Variants in MICAL2 observed in about 807,000 individuals in gnomAD.
MICAL2 encodes the protein [F-actin]-monooxygenase MICAL2.
MICAL2 carries 77 observed loss-of-function variants against 127.3 expected under a neutral mutation model. The ratio of observed to expected loss-of-function variants is 0.60; its 90% confidence interval spans 0.50 to 0.73. The LOEUF is 0.73. Among genes scored for constraint, MICAL2 ranks in the 30% least tolerant of loss-of-function variants. The pLI, the probability that MICAL2 is intolerant of heterozygous loss-of-function variation, is 0.00. For missense variants in MICAL2, 1,351 were observed against 1,434.4 expected (o/e 0.94, Z 0.94); for synonymous variants, 570 against 551.1 (o/e 1.03, Z -0.48).
At chr11:12,212,202 G>C (rs533083305) in intron 6 of MICAL2, among the ~76,000 whole-genome samples, 135 of 152,284 alleles carry the variant, frequency 8.9e-4, no homozygotes, top group African/African-American at 3.0e-3. Context: ...ACCAGCTGCT[G>C]TGATCCTCCA....
chr11:12,303,985 G>A (rs957134445), intron 29 of MICAL2, among the ~76,000 whole-genome samples: 3 of 152,032 alleles, frequency 2.0e-5, no homozygotes, highest in Admixed American at 2.0e-4. Flanking sequence ...AGCCACGATT[G>A]CACCACTGCA....
At chr11:12,155,859 G>A (rs951249569) in intron 2 of MICAL2, among the ~76,000 whole-genome samples, 7 of 152,200 alleles carry the variant, frequency 4.6e-5, no homozygotes, top group African/African-American at 1.7e-4. Flanking sequence ...GCATACAGAT[G>A]TTTCTTGATG....
At chr11:12,335,742 T>C (rs1318740547) in intron 32 of MICAL2, among the ~76,000 whole-genome samples, 1 of 152,228 alleles carries the variant, frequency 6.6e-6, no homozygotes. Flanking sequence ...TTTGTCAAGT[T>C]TGTCAAAGAT....
rs778637920 is a variant in MICAL2 at position 12,262,467 on chromosome 11, C to G, written c.3335-13C>G. On this transcript the variant is annotated splice_polypyrimidine_tract_variant and intron_variant, in intron 26 of 27. Transcript: ENST00000683283. ...CTTTCTCTCTCTTTCCAATCTTACG[C>G]CATGGCCATCAGTTCATTTCAGCCT... 1 of 1,613,748 alleles carries G rather than the reference C, an allele frequency of 6.2e-7. No homozygotes were observed. The highest frequency in any genetic ancestry group is 8.5e-7 in the Non-Finnish European group (1 of 1,180,008).
intron 32 of MICAL2, among the ~76,000 whole-genome samples, chr11:12,344,472 CTATTATTATTA>C (rs995749875): frequency 3.5e-5 from 5 of 141,484 alleles, no homozygotes; most frequent in Middle Eastern, 3.6e-3. Context: ...ATTCTAGAAA[CTATTATTATTA>C]TTATTATTAT....
chr11:12,251,444 A>G (rs182490588), intron 22 of MICAL2, among the ~76,000 whole-genome samples: 1 of 151,640 alleles, frequency 6.6e-6, no homozygotes, highest in East Asian at 1.9e-4. Flanking sequence ...GTTCTCCATC[A>G]CCTTATTTCC....
At chr11:12,120,984 T>A (rs1228572654) in intron 1 of MICAL2, among the ~76,000 whole-genome samples, 2 of 152,220 alleles carry the variant, frequency 1.3e-5, no homozygotes, top group African/African-American at 2.4e-5. Flanking sequence ...AAAAAGACTT[T>A]GTCTGTATCC....
downstream of MICAL2, among the ~76,000 whole-genome samples, chr11:12,359,334 C>CAAA (rs138650957): frequency 2.9e-5 from 4 of 137,426 alleles, no homozygotes; most frequent in South Asian, 9.1e-4. Flanking sequence ...TTGATGATGG[C>CAAA]AAAAAAAAAA....
rs762979863 is a variant in MICAL2, at chr11:12,256,814, C to G, written c.2985C>G (p.Asn995Lys). 3.1e-6 allele frequency: 5 copies of G among 1,613,678 alleles called. No individual in the cohort carries two copies. Among genetic ancestry groups the G allele is most frequent in the Non-Finnish European group, 4.2e-6 (5 of 1,179,686 alleles). ...LESMRKSFPL[N>K]LGGSDTCYFC... ...CTATGCGAAAGTCATTTCCCCTTAA[C>G]CTGGGAGGCAGCGACACGTGTTACT... The change falls in exon 24 of 28, where the codon AAC becomes AAG. Residue 995 changes from asparagine to lysine, a missense_variant. Coordinates refer to ENST00000683283, the MANE Select transcript of MICAL2 (RefSeq NM_001282663.2).
At chr11:12,360,376 T>A (rs562715052), downstream of MICAL2, among the ~76,000 whole-genome samples, 1 of 152,256 alleles carries the variant, frequency 6.6e-6, no homozygotes, top group African/African-American at 2.4e-5. Context: ...ATAACCCAGA[T>A]GTTTGGGGCA....
At chr11:12,124,475 C>T (rs954411275) in intron 1 of MICAL2, among the ~76,000 whole-genome samples, 2 of 152,192 alleles carry the variant, frequency 1.3e-5, no homozygotes, top group African/African-American at 4.8e-5. Flanking sequence ...ACAGCCTTAA[C>T]GTTACGTGTT....
At chr11:12,286,116 T>TCAGCTAATCCTCAAGGCC (rs1863824159) in intron 2 of MICAL2, among the ~76,000 whole-genome samples, 3 of 152,106 alleles carry the variant, frequency 2.0e-5, no homozygotes, top group African/African-American at 7.3e-5. Flanking sequence ...TTCATTTTGC[T>TCAGCTAATCCTCAAGGCC]CAGCTAATCC....
chr11:12,128,798 A>G lies in MICAL2; in HGVS notation c.-148-9592A>G, dbSNP rs143259456. ...ATCCTGGCTCCAGCACTTACCAGCC[A>G]TGTAAGTCCAAGATAGAAGTCAATT... On this transcript the variant is annotated intron_variant, in intron 1 of 27. Transcript: ENST00000683283. 5.9e-5 allele frequency among the ~76,000 whole-genome samples: 9 copies of G among 152,342 alleles called. No homozygotes were observed. In the East Asian group the frequency reaches 1.7e-3, roughly 29 times the overall value.
At chr11:12,112,038 C>CA (rs1307450847) in intron 1 of MICAL2, among the ~76,000 whole-genome samples, 1 of 152,182 alleles carries the variant, frequency 6.6e-6, no homozygotes, top group Non-Finnish European at 1.5e-5. Flanking sequence ...ATGGTTATTC[C>CA]AAAAACGCTG....
intron 2 of MICAL2, among the ~76,000 whole-genome samples, chr11:12,147,958 A>G (rs1028077841): frequency 2.6e-5 from 4 of 152,198 alleles, no homozygotes; most frequent in African/African-American, 9.7e-5. Flanking sequence ...TGGTGAGCTT[A>G]GGCATAGACT....
intron 32 of MICAL2, among the ~76,000 whole-genome samples, chr11:12,339,101 G>A (rs904976355): frequency 1.3e-5 from 2 of 152,162 alleles, no homozygotes; most frequent in African/African-American, 2.4e-5. Flanking sequence ...CCAGTCATAC[G>A]TAGATTTGGT....
intron 25 of MICAL2, among the ~76,000 whole-genome samples, chr11:12,259,300 A>G (rs1026680335): frequency 2.0e-5 from 3 of 152,182 alleles, no homozygotes; most frequent in Admixed American, 2.0e-4. Context: ...AGAGTTTTAT[A>G]TTCTTCCTTT....
chr11:12,328,316 A>G (rs910165938), intron 32 of MICAL2, among the ~76,000 whole-genome samples: 22 of 152,232 alleles, frequency 1.4e-4, no homozygotes, highest in Non-Finnish European at 2.2e-4. Context: ...AGGAACAAGC[A>G]TTAGGGTACA....
chr11:12,145,335 C>T (rs1852781281), intron 2 of MICAL2, among the ~76,000 whole-genome samples: 1 of 152,184 alleles, frequency 6.6e-6, no homozygotes, highest in South Asian at 2.1e-4. Context: ...CCGATAAAGG[C>T]ATCTTCTAGG....
Sources: gnomAD v4.1 joint callset for allele counts (sites outside exome capture counted in the v4.1 genomes callset) on GRCh38, gnomAD v4.1.1 for gene constraint, MANE v1.5 for transcripts, NCBI Gene and HGNC (gene_info 2026-07-23, HGNC 2026-07-21) for gene names.